The following ARHGAP24 variants were observed in gnomAD, a reference collection of about 807,000 sequenced individuals.
The protein encoded by ARHGAP24 is Rho GTPase activating protein 24.
ARHGAP24 carries 50 observed loss-of-function variants against 76.4 expected under a neutral mutation model. The ratio of observed to expected loss-of-function variants is 0.65; its 90% confidence interval spans 0.52 to 0.83. ARHGAP24 has a LOEUF of 0.83. Ranked by LOEUF, ARHGAP24 falls within the 40% of genes least tolerant of loss-of-function variation. The probability of loss-of-function intolerance (pLI) is 0.00; values close to 1 mark genes in which losing one functional copy is unlikely to be tolerated. For missense variants in ARHGAP24, 930 were observed against 914.2 expected (o/e 1.02, Z -0.22); for synonymous variants, 345 against 323.3 (o/e 1.07, Z -0.72).
intron 3 of ARHGAP24, among the ~76,000 whole-genome samples, chr4:85,874,243 T>C (rs1395464132): frequency 6.6e-6 from 1 of 152,214 alleles, no homozygotes; most frequent in Admixed American, 6.6e-5. Flanking sequence ...AATCTTGGGC[T>C]CATACATTCC....
rs76228321 is a variant in ARHGAP24, at chr4:85,707,108, A to G, written c.181-14777A>G. The stretch of plus-strand genomic sequence containing the variant: ...TTTTAAAAATTTTTTGTGGAGGCAC[A>G]GTCTTGCTATATTGCCCTTGCTGTT... On this transcript the variant is annotated intron_variant, in intron 2 of 9. Transcript: ENST00000395184. 7.4e-3 allele frequency among the ~76,000 whole-genome samples: 1,128 copies of G among 152,248 alleles called. 11 individuals carry two copies. The highest frequency in any genetic ancestry group is 0.026 in the African/African-American group (1,080 of 41,548).
At chr4:85,480,500 A>C (rs1316622557) in intron 1 of ARHGAP24, among the ~76,000 whole-genome samples, 1 of 152,192 alleles carries the variant, frequency 6.6e-6, no homozygotes, top group Non-Finnish European at 1.5e-5. Context: ...CCACAAGTGT[A>C]CTAAGCTAAT....
chr4:85,484,267 A>G (rs1455479480), intron 1 of ARHGAP24, among the ~76,000 whole-genome samples: 1 of 152,136 alleles, frequency 6.6e-6, no homozygotes, highest in African/African-American at 2.4e-5. Context: ...AAGTATATTC[A>G]ATTTGAAATA....
rs138348664 is a variant in ARHGAP24 at position 85,533,490 on chromosome 4, A to T, written c.-20-37032A>T. On this transcript the variant is annotated intron_variant, in intron 1 of 9. Transcript: ENST00000395184. The stretch of plus-strand genomic sequence containing the variant: ...CAGCAATCAAAGTATGGATGAAAAT[A>T]TTGTCTAATATGAATTCTCTCATAT... Among the ~76,000 whole-genome samples the T allele has an allele frequency of 5.5e-4, 83 of 152,290 alleles. No individual in the cohort carries two copies. The East Asian group carries it at 8.5e-3, about 16-fold the overall frequency.
chr4:85,738,157 G>A (rs1316845126), intron 3 of ARHGAP24, among the ~76,000 whole-genome samples: 1 of 152,036 alleles, frequency 6.6e-6, no homozygotes, highest in Non-Finnish European at 1.5e-5. Context: ...CTGACCTCAG[G>A]TGATCCACCC....
At chr4:85,687,417 G>T (rs116133501) in intron 2 of ARHGAP24, among the ~76,000 whole-genome samples, 141 of 152,148 alleles carry the variant, frequency 9.3e-4, no homozygotes, top group African/African-American at 3.1e-3. Context: ...TTAATCCACA[G>T]CCCCTACTCT....
At chr4:85,677,165 A>G (rs10012334) in intron 2 of ARHGAP24, among the ~76,000 whole-genome samples, 140,765 of 152,336 alleles carry the variant, frequency 0.92, 65,090 homozygotes, top group East Asian at 0.98. Context: ...ACAGACACAC[A>G]TGCAAGCCAT....
At chr4:85,541,094 C>T (rs1725669829) in intron 1 of ARHGAP24, among the ~76,000 whole-genome samples, 1 of 139,706 alleles carries the variant, frequency 7.2e-6, no homozygotes, top group Non-Finnish European at 1.5e-5. Context: ...AATAACAGTC[C>T]TCCGTTTTTG....
intron 2 of ARHGAP24, among the ~76,000 whole-genome samples, chr4:85,601,550 A>G (rs561172082): frequency 1.7e-4 from 26 of 151,984 alleles, no homozygotes; most frequent in Non-Finnish European, 1.6e-4. Context: ...ATGCTTGGCA[A>G]CCCCCAGTTG....
intron 2 of ARHGAP24, among the ~76,000 whole-genome samples, chr4:85,624,268 C>T (rs1720838287): frequency 6.6e-6 from 1 of 152,036 alleles, no homozygotes; most frequent in Admixed American, 6.6e-5. Flanking sequence ...CCATCAATAC[C>T]TAATTTTTTG....
intron 3 of ARHGAP24, among the ~76,000 whole-genome samples, chr4:85,761,026 C>T (rs1726713291): frequency 6.6e-6 from 1 of 152,082 alleles, no homozygotes; most frequent in African/African-American, 2.4e-5. Context: ...AGTAATGAGA[C>T]CTCTGCAGCC....
chr4:85,525,630 A>G (rs1724960617), intron 1 of ARHGAP24, among the ~76,000 whole-genome samples: 1 of 152,192 alleles, frequency 6.6e-6, no homozygotes, highest in South Asian at 2.1e-4. Flanking sequence ...CATCTACTGT[A>G]CTAGATCTCT....
intron 4 of ARHGAP24, chr4:85,930,756 T>G: frequency 1.8e-5 from 24 of 1,355,906 alleles, no homozygotes; most frequent in East Asian, 5.8e-5. Context: ...CAGGAGTAAA[T>G]GAGAGGTGGT....
intron 3 of ARHGAP24, among the ~76,000 whole-genome samples, chr4:85,836,971 A>G (rs1730324704): frequency 6.6e-6 from 1 of 152,014 alleles, no homozygotes; most frequent in South Asian, 2.1e-4. Flanking sequence ...CTCAAATGCC[A>G]AAAAGGAGGG....
At chr4:85,646,842 G>T (rs1472483830) in intron 2 of ARHGAP24, among the ~76,000 whole-genome samples, 1 of 152,016 alleles carries the variant, frequency 6.6e-6, no homozygotes, top group African/African-American at 2.4e-5. Flanking sequence ...TATGTGGTTT[G>T]ATTTTAATTC....
At position 85,566,215 on chromosome 4, in the gene ARHGAP24, C is replaced by T. The variant is rs528709052; in HGVS notation, c.-20-4307C>T. 3.3e-5 allele frequency among the ~76,000 whole-genome samples: 5 copies of T among 152,304 alleles called. No homozygotes were observed. In the South Asian group the frequency reaches 1.0e-3, roughly 32 times the overall value. ...TGGTTTTCTAACCAAGGTGATAGCTCTATTTTGTAATCTCACATACCACCC... is the reference window on the plus strand; with the variant it reads ...TGGTTTTCTAACCAAGGTGATAGCTTTATTTTGTAATCTCACATACCACCC... On this transcript the variant is annotated intron_variant, in intron 1 of 9. Transcript: ENST00000395184.
At chr4:85,916,461 T>G (rs1286212672) in intron 3 of ARHGAP24, among the ~76,000 whole-genome samples, 1 of 152,074 alleles carries the variant, frequency 6.6e-6, no homozygotes, top group African/African-American at 2.4e-5. Flanking sequence ...TTAATACACA[T>G]CTACAGAACT....
At chr4:85,639,733 C>G (rs1578099777) in intron 2 of ARHGAP24, among the ~76,000 whole-genome samples, 1 of 150,444 alleles carries the variant, frequency 6.6e-6, no homozygotes, top group Non-Finnish European at 1.5e-5. Flanking sequence ...GAGAAGTTTG[C>G]CTTTTTTTCA....
intron 2 of ARHGAP24, among the ~76,000 whole-genome samples, chr4:85,598,493 G>A (rs1719915334): frequency 6.6e-6 from 1 of 151,990 alleles, no homozygotes; most frequent in Non-Finnish European, 1.5e-5. Flanking sequence ...AAGTGCATGT[G>A]TGTTTGTGAA....
Sources: allele counts gnomAD v4.1 joint callset (sites outside exome capture counted in the v4.1 genomes callset), GRCh38; gene constraint gnomAD v4.1.1; transcripts MANE v1.5; gene names NCBI Gene and HGNC (gene_info 2026-07-23, HGNC 2026-07-21).